The following SRPX2 variants were observed in gnomAD, a reference collection of about 807,000 sequenced individuals.
SRPX2 encodes the protein sushi repeat-containing protein SRPX2.
In SRPX2, 26 loss-of-function variants were observed where a neutral mutation model predicts 45.3. That is an observed-to-expected ratio of 0.57 (90% CI 0.42 to 0.80). SRPX2 has a LOEUF of 0.80. SRPX2 is among the 30% of genes least tolerant of loss of function. The pLI, the probability that SRPX2 is intolerant of heterozygous loss-of-function variation, is 0.00. For synonymous variants in SRPX2, 125 were observed against 143.7 expected (o/e 0.87, Z 0.93); for missense variants, 355 against 399.8 (o/e 0.89, Z 0.95).
chrX:100,665,634 G>A lies in SRPX2; in HGVS notation c.758G>A (p.Cys253Tyr). ...GACCGAGCCTACAACCGGGCCAGCT[G>A]CAAGTTCATTGTGAAAGTACAAGGT... is the stretch of plus-strand genomic sequence containing the variant. ...AYDRAYNRAS[C>Y]KFIVKVQVRR... Residue 253 changes from cysteine to tyrosine, a missense_variant, in exon 7 of 11, where the codon TGC (cysteine) becomes TAC (tyrosine). Cys to Tyr is a radical substitution (Grantham distance 194). Coordinates refer to ENST00000373004, the MANE Select transcript of SRPX2 (RefSeq NM_014467.3). 1.7e-6 allele frequency: 2 copies of A among 1,211,965 alleles called. No homozygotes were observed. The highest frequency in any genetic ancestry group is 2.2e-6 in the Non-Finnish European group (2 of 895,572).
chrX:100,645,813 A>G (rs2083133566), intron 1 of SRPX2, among the ~76,000 whole-genome samples: 1 of 112,211 alleles, frequency 8.9e-6, no homozygotes, highest in Non-Finnish European at 1.9e-5. Context: ...GACCTGTGTA[A>G]CTTCAGTGTT....
At chrX:100,654,143 A>G (rs183730111) in intron 3 of SRPX2, among the ~76,000 whole-genome samples, 123 of 112,087 alleles carry the variant, frequency 1.1e-3, no homozygotes, top group African/African-American at 3.9e-3. Context: ...CAGCCCTATT[A>G]TTAACATTAA....
chrX:100,661,165 G>GA (rs1556012693), intron 3 of SRPX2, among the ~76,000 whole-genome samples: 1 of 111,662 alleles, frequency 9.0e-6, no homozygotes, highest in Non-Finnish European at 1.9e-5. Context: ...GGTATTACCA[G>GA]TTTTTTTTAA....
intron 3 of SRPX2, among the ~76,000 whole-genome samples, chrX:100,658,950 T>C (rs905057774): frequency 3.6e-5 from 4 of 112,029 alleles, no homozygotes; most frequent in South Asian, 3.8e-4. Flanking sequence ...CAGCCACTTA[T>C]GAATTTTTAA....
chrX:100,659,389 A>G (rs1461700527), intron 3 of SRPX2, among the ~76,000 whole-genome samples: 1 of 111,691 alleles, frequency 9.0e-6, no homozygotes, highest in African/African-American at 3.3e-5. Context: ...CAGCATTTAG[A>G]CCGACCTTTA....
In SRPX2 at chrX:100,665,542, A is replaced by C. The variant is rs1171126139; in HGVS notation, c.666A>C (p.Thr222=). The change falls in exon 7 of 11, where the codon ACA becomes ACC. Residue 222 remains threonine, a synonymous_variant. Coordinates refer to ENST00000373004, the MANE Select transcript of SRPX2 (RefSeq NM_014467.3). ...TTCACCCTGTCCCATGCAGGGTGAC[A>C]CTTCGGGGCCCTGAGCCTGGCTCTC... ...DSADGTITRV[T]LRGPEPGSHF... The C allele has an allele frequency of 8.3e-7, 1 of 1,210,286 alleles. No homozygotes were observed. Among genetic ancestry groups the C allele is most frequent in the Non-Finnish European group, 1.1e-6 (1 of 895,302 alleles).
chrX:100,657,507 T>C (rs1602720290), intron 3 of SRPX2, among the ~76,000 whole-genome samples: 2 of 104,544 alleles, frequency 1.9e-5, no homozygotes, highest in Non-Finnish European at 3.9e-5. Context: ...CCCACCACCA[T>C]GCCCAGCTAA....
At position 100,671,284 on chromosome X, in the gene SRPX2, TA is replaced by T; in HGVS notation, c.*300del. Reference sequence around the variant, plus strand: ...CAAAGTCTTTCAGAAAAGTAAATCCTAAATTCAGTGATGAACTGGCTGTTTT... The same window carrying T: ...CAAAGTCTTTCAGAAAAGTAAATCCTAATTCAGTGATGAACTGGCTGTTTT... On this transcript the variant is annotated 3_prime_UTR_variant, in exon 11 of 11. Transcript: ENST00000373004. The T allele has an allele frequency of 5.7e-6, 2 of 353,810 alleles. No homozygotes were observed. The highest frequency in any genetic ancestry group is 1.0e-5 in the Non-Finnish European group (2 of 199,322). The allele number at this position is 353,810 out of a possible 1,213,427, so 29.2% of individuals were successfully genotyped here.
In SRPX2 at chrX:100,664,944, T is replaced by C; in HGVS notation, c.526T>C (p.Cys176Arg). The part of the protein sequence containing the change: ...DGRWSGGEPV[C>R]VDIDPPKIRC... Reference sequence around the variant, plus strand: ...GAGATGGAGTGGAGGCGAGCCTGTATGTGTAGGTAAATGCTGGTTGCTCCC... The same window carrying C: ...GAGATGGAGTGGAGGCGAGCCTGTACGTGTAGGTAAATGCTGGTTGCTCCC... The change falls in exon 5 of 11, where the codon TGT becomes CGT. Residue 176 changes from cysteine to arginine, a missense_variant. Physicochemically the swap from Cys to Arg is radical, Grantham distance 180. Coordinates refer to ENST00000373004, the MANE Select transcript of SRPX2 (RefSeq NM_014467.3). 2.5e-6 allele frequency: 3 copies of C among 1,210,602 alleles called. No homozygotes were observed. Among genetic ancestry groups the C allele is most frequent in the Non-Finnish European group, 3.4e-6 (3 of 895,390 alleles).
In SRPX2 at chrX:100,670,979, T is replaced by C; in HGVS notation, c.1390T>C (p.Cys464Arg). 1 of 1,208,650 alleles carries C rather than the reference T, an allele frequency of 8.3e-7. No individual in the cohort carries two copies. The highest frequency in any genetic ancestry group is 1.1e-6 in the Non-Finnish European group (1 of 893,790). Residue 464 changes from cysteine (C) to arginine (R), a missense_variant, in exon 11 of 11, where the codon TGC becomes CGC. By Grantham distance (180) the Cys-to-Arg change is radical. Transcript: ENST00000373004. ...CCAGCGTCGGGAGCAAAGGGACATA[T>C]GCGAGTGAACTTGAGCCAGGGCATG... ...LTQRREQRDI[C>R]E
At position 100,675,248 on chromosome X, in the gene SRPX2, T is replaced by G. The variant is rs1456894507; in HGVS notation, c.*4261T>G. 3 of 112,952 alleles carry G rather than the reference T, an allele frequency of 2.7e-5. No homozygotes were observed. The highest frequency in any genetic ancestry group is 5.6e-5 in the Non-Finnish European group (3 of 53,372). 9.3% of individuals were successfully genotyped at this position (112,952 alleles called of 1,213,427 possible). ...TGAGACACTTTACCCTCAGTCACTCTGGTCCTCTGAGATCAGCTAGAAGCT... is the reference window on the plus strand; with the variant it reads ...TGAGACACTTTACCCTCAGTCACTCGGGTCCTCTGAGATCAGCTAGAAGCT... On this transcript the variant is annotated 3_prime_UTR_variant, in exon 11 of 11. Transcript: ENST00000373004.
intron 1 of SRPX2, among the ~76,000 whole-genome samples, chrX:100,645,424 T>C (rs2083132586): frequency 8.9e-6 from 1 of 111,876 alleles, no homozygotes; most frequent in African/African-American, 3.3e-5. Flanking sequence ...TCTCCTCATG[T>C]ACCTCAGCAG....
In SRPX2 at chrX:100,670,890, C is replaced by T. The variant is rs142681947; in HGVS notation, c.1301C>T (p.Pro434Leu). Reference protein sequence around the residue: ...QGIDRDRYMEPVTPEEIFTFI... With the variant: ...QGIDRDRYMELVTPEEIFTFI... ...ATTGACCGAGACCGCTACATGGAAC[C>T]TGTCACCCCCGAGGAAATCTTCACA... The change falls in exon 11 of 11, where the codon CCT (proline) becomes CTT (leucine). Residue 434 changes from proline (P) to leucine (L), a missense_variant. Transcript: ENST00000373004. 2.5e-6 allele frequency: 3 copies of T among 1,209,680 alleles called. No individual in the cohort carries two copies. Among genetic ancestry groups the T allele is most frequent in the Non-Finnish European group, 3.4e-6 (3 of 895,171 alleles).
intron 5 of SRPX2, 131 bp downstream of exon 5, chrX:100,665,081 A>G (rs892832803): frequency 4.7e-5 from 50 of 1,062,379 alleles, no homozygotes; most frequent in Middle Eastern, 3.4e-4. Flanking sequence ...GGTATTTGCT[A>G]AACAAAATGA....
At position 100,665,674 on chromosome X, in the gene SRPX2, TA is replaced by T; in HGVS notation, c.781+18del. Reference sequence around the variant, plus strand: ...AAGTACAAGGTCAGAAAGAATTATTTAGTTTCCATATTGTTCATTAATCCTG... The same window carrying T: ...AAGTACAAGGTCAGAAAGAATTATTTGTTTCCATATTGTTCATTAATCCTG... On this transcript the variant is annotated intron_variant, in intron 7 of 10. Transcript: ENST00000373004. 8.3e-7 allele frequency: 1 copy of T among 1,211,539 alleles called. No homozygotes were observed. The highest frequency in any genetic ancestry group is 1.1e-6 in the Non-Finnish European group (1 of 895,426).
At chrX:100,657,552 T>C (rs2083174556) in intron 3 of SRPX2, among the ~76,000 whole-genome samples, 1 of 107,394 alleles carries the variant, frequency 9.3e-6, no homozygotes, top group South Asian at 4.2e-4. Context: ...GATTTCATCA[T>C]GTTCGCCAGG....
intron 3 of SRPX2, among the ~76,000 whole-genome samples, chrX:100,658,104 C>CT (rs2083176566): frequency 8.9e-6 from 1 of 112,438 alleles, no homozygotes; most frequent in South Asian, 3.7e-4. Context: ...TGTGCAGGAG[C>CT]TTTTTAGTTT....
rs747055996 is a variant in SRPX2 at position 100,662,214 on chromosome X, G to A, written c.202G>A (p.Glu68Lys). ...WCYTLNIQDG[E>K]ATCYSPKGGN... is the part of the protein sequence containing the mutation. ...TTATACATTAAATATCCAGGATGGA[G>A]AAGCCACATGCTACTCACCGAAGGG... is the stretch of plus-strand genomic sequence containing the variant. The change falls in exon 4 of 11, where the codon GAA becomes AAA. Residue 68 changes from glutamate to lysine, a missense_variant. Glu to Lys is a moderately conservative substitution (Grantham distance 56). Coordinates refer to ENST00000373004, the MANE Select transcript of SRPX2 (RefSeq NM_014467.3). 10 of 1,209,744 alleles carry A rather than the reference G, an allele frequency of 8.3e-6. No homozygotes were observed. Among genetic ancestry groups the A allele is most frequent in the Non-Finnish European group, 1.1e-5 (10 of 895,280 alleles).
chrX:100,652,537 G>A (rs750565101), intron 3 of SRPX2, among the ~76,000 whole-genome samples: 62 of 110,779 alleles, frequency 5.6e-4, no homozygotes, highest in African/African-American at 1.9e-3. Context: ...ACCAGCAAGG[G>A]GAAAAAAAGA....
Sources: gnomAD v4.1 joint callset for allele counts (sites outside exome capture counted in the v4.1 genomes callset) on GRCh38, gnomAD v4.1.1 for gene constraint, MANE v1.5 for transcripts, NCBI Gene and HGNC (gene_info 2026-07-23, HGNC 2026-07-21) for gene names.